SSBP2: variants seen among roughly 807,000 people sequenced by gnomAD.
SSBP2 encodes single-stranded DNA-binding protein 2.
In SSBP2, 17 loss-of-function variants were observed where a neutral mutation model predicts 61.8. The ratio of observed to expected loss-of-function variants is 0.28; its 90% CI spans 0.19 to 0.41. The LOEUF is 0.41. SSBP2 is among the 10% of genes least tolerant of loss of function. The probability of loss-of-function intolerance (pLI) is 1.00; values close to 1 mark genes in which losing one functional copy is unlikely to be tolerated. For synonymous variants in SSBP2, 139 were observed against 141.3 expected, an observed-to-expected ratio of 0.98 and a Z score of 0.12; for missense variants, 310 against 458.7, an observed-to-expected ratio of 0.68 and a Z score of 2.96.
intron 1 of SSBP2, among the ~76,000 whole-genome samples, chr5:81,666,591 A>G (rs1751157528): frequency 1.3e-5 from 2 of 152,208 alleles, no homozygotes; most frequent in Admixed American, 1.3e-4. Flanking sequence ...ATAAAAATGT[A>G]AATTTTTAAA....
At chr5:81,650,873 T>C (rs531651434) in intron 1 of SSBP2, among the ~76,000 whole-genome samples, 1 of 152,292 alleles carries the variant, frequency 6.6e-6, no homozygotes, top group South Asian at 2.1e-4. Flanking sequence ...AATAATACTT[T>C]AGTTTATAAG....
At chr5:81,506,455 G>T (rs1284193605) in intron 5 of SSBP2, among the ~76,000 whole-genome samples, 1 of 152,040 alleles carries the variant, frequency 6.6e-6, no homozygotes, top group East Asian at 1.9e-4. Context: ...TTCAAACTAA[G>T]AAGGATATAA....
At chr5:81,716,569 A>C (rs1051936788) in intron 1 of SSBP2, among the ~76,000 whole-genome samples, 9 of 152,228 alleles carry the variant, frequency 5.9e-5, no homozygotes, top group African/African-American at 2.2e-4. Flanking sequence ...TTTTAAACTC[A>C]GGGTTCATGC....
chr5:81,500,220 CT>C (rs958360175), intron 5 of SSBP2, among the ~76,000 whole-genome samples: 24 of 147,996 alleles, frequency 1.6e-4, no homozygotes, highest in Admixed American at 4.7e-4. Context: ...TAAAACATAA[CT>C]TTTTTTTTTT....
At chr5:81,482,708 A>G (rs1766086305) in intron 6 of SSBP2, among the ~76,000 whole-genome samples, 1 of 152,194 alleles carries the variant, frequency 6.6e-6, no homozygotes, top group South Asian at 2.1e-4. Flanking sequence ...TGTCCAGACC[A>G]TAAAAACTTC....
chr5:81,503,798 C>T (rs916518728), intron 5 of SSBP2, among the ~76,000 whole-genome samples: 3 of 152,006 alleles, frequency 2.0e-5, no homozygotes, highest in African/African-American at 7.2e-5. Flanking sequence ...TACTATGCAG[C>T]CATTAAAAAG....
rs1245902141 is a variant in SSBP2, at chr5:81,428,573, G to A, written c.1056+12C>T. On this transcript the variant is annotated intron_variant, in intron 16 of 16. Coordinates refer to ENST00000320672, the MANE Select transcript of SSBP2 (RefSeq NM_012446.5). ...TAAAATTTGAGTATAATATAGTCAA[G>A]GGAATACTTACACTCTCACTCTGAA... 4 of 1,599,306 alleles carry A rather than the reference G, an allele frequency of 2.5e-6. No individual in the cohort carries two copies. Among genetic ancestry groups the A allele is most frequent in the Non-Finnish European group, 3.4e-6 (4 of 1,167,144 alleles).
chr5:81,583,433 T>G (rs1041441307), intron 4 of SSBP2, among the ~76,000 whole-genome samples: 3 of 151,698 alleles, frequency 2.0e-5, no homozygotes, highest in African/African-American at 7.3e-5. Flanking sequence ...ATTGAGACCA[T>G]CCTGGCTAAC....
intron 9 of SSBP2, among the ~76,000 whole-genome samples, chr5:81,461,573 G>C (rs897002261): frequency 6.9e-6 from 1 of 144,176 alleles, no homozygotes; most frequent in Non-Finnish European, 1.5e-5. Context: ...ATATATAAAA[G>C]GTATCTAAAG....
chr5:81,450,960 A>T (rs978108072), intron 10 of SSBP2, among the ~76,000 whole-genome samples: 1 of 152,212 alleles, frequency 6.6e-6, no homozygotes, highest in Admixed American at 6.5e-5. Context: ...ACCTCATCTT[A>T]ACAAATATCT....
chr5:81,611,430 A>AT (rs1207400336), intron 4 of SSBP2, among the ~76,000 whole-genome samples: 1 of 152,200 alleles, frequency 6.6e-6, no homozygotes, highest in Non-Finnish European at 1.5e-5. Flanking sequence ...AATCTAAGGT[A>AT]TTTAGATACA....
At chr5:81,580,750 TAA>T (rs10651788) in intron 4 of SSBP2, among the ~76,000 whole-genome samples, 2 of 145,898 alleles carry the variant, frequency 1.4e-5, no homozygotes, top group African/African-American at 2.5e-5. Context: ...TCAGTGTAGG[TAA>T]AAAAAAAAAA....
chr5:81,447,132 A>C, intron 11 of SSBP2, among the ~76,000 whole-genome samples: 1 of 152,254 alleles, frequency 6.6e-6, no homozygotes, highest in Non-Finnish European at 1.5e-5. Context: ...ATTTCCAAAA[A>C]CAATGAGCCT....
intron 1 of SSBP2, among the ~76,000 whole-genome samples, chr5:81,695,563 T>C (rs149502077): frequency 0.072 from 10,362 of 143,966 alleles, 464 homozygotes; most frequent in Middle Eastern, 0.12. Context: ...AGTGTTCTCA[T>C]TGTTCAGTTC....
At chr5:81,657,794 A>C (rs1297143450) in intron 1 of SSBP2, among the ~76,000 whole-genome samples, 1 of 152,164 alleles carries the variant, frequency 6.6e-6, no homozygotes, top group Non-Finnish European at 1.5e-5. Context: ...TTTTCTGCAA[A>C]TTCTTTTCCT....
intron 10 of SSBP2, among the ~76,000 whole-genome samples, chr5:81,452,910 T>C (rs1763868978): frequency 6.6e-6 from 1 of 150,468 alleles, no homozygotes; most frequent in Admixed American, 6.6e-5. Flanking sequence ...AGGATTAAAC[T>C]AGATTTTTGG....
At position 81,736,270 on chromosome 5, in the gene SSBP2, T is replaced by C. The variant is rs138635179; in HGVS notation, c.62+14711A>G. On this transcript the variant is annotated intron_variant, in intron 1 of 16. Transcript: ENST00000320672. Reference sequence around the variant, plus strand: ...TCTTCCAAGCACAAAATTGGCGCTATGCCAAAAGCCCTGTTTGCTTTTCTG... The same window carrying C: ...TCTTCCAAGCACAAAATTGGCGCTACGCCAAAAGCCCTGTTTGCTTTTCTG... Among the ~76,000 whole-genome samples, 271 of 152,274 alleles carry C rather than the reference T, an allele frequency of 1.8e-3. 5 individuals carry two copies. The East Asian group carries it at 0.045, about 25-fold the overall frequency.
chr5:81,580,234 A>C (rs1774538365), intron 4 of SSBP2, among the ~76,000 whole-genome samples: 1 of 152,100 alleles, frequency 6.6e-6, no homozygotes, highest in African/African-American at 2.4e-5. Flanking sequence ...GAAATTATTA[A>C]CTACTGTTCA....
intron 1 of SSBP2, among the ~76,000 whole-genome samples, chr5:81,708,970 A>T (rs1754588723): frequency 6.6e-6 from 1 of 152,066 alleles, no homozygotes; most frequent in Admixed American, 6.6e-5. Context: ...TATCTGAGAT[A>T]ACTGATCTAT....
Sources: gnomAD v4.1 joint callset for allele counts (sites outside exome capture counted in the v4.1 genomes callset) on GRCh38, gnomAD v4.1.1 for gene constraint, MANE v1.5 for transcripts, NCBI Gene and HGNC (gene_info 2026-07-23, HGNC 2026-07-21) for gene names.